Variants in MEIS1 observed in about 807,000 individuals in gnomAD.
The protein encoded by MEIS1 is Meis homeobox 1.
A neutral mutation model predicts 50.8 loss-of-function variants in MEIS1; 5 were observed. The observed-to-expected ratio is 0.10, with a 90% CI of 0.05 to 0.21. The LOEUF (loss-of-function observed/expected upper bound fraction) is 0.21. Ranked by LOEUF, MEIS1 falls within the 10% of genes least tolerant of loss-of-function variation. The pLI, the probability that MEIS1 is intolerant of heterozygous loss-of-function variation, is 1.00. For missense variants in MEIS1, 318 were observed against 517.3 expected (o/e 0.61, Z 3.74); for synonymous variants, 176 against 179.3 (o/e 0.98, Z 0.15).
At chr2:66,490,582 A>G (rs1344444679) in intron 7 of MEIS1, among the ~76,000 whole-genome samples, 1 of 152,142 alleles carries the variant, frequency 6.6e-6, no homozygotes, top group Non-Finnish European at 1.5e-5. Context: ...AAAGGGTGAT[A>G]GGGAGACCTT....
At chr2:66,544,926 G>A (rs1258145233) in intron 8 of MEIS1, among the ~76,000 whole-genome samples, 1 of 152,086 alleles carries the variant, frequency 6.6e-6, no homozygotes, top group Non-Finnish European at 1.5e-5. Context: ...TCCAGGTAGT[G>A]GTAATGATTC....
At chr2:66,456,240 A>ACACACACACACT (rs1300474908) in intron 6 of MEIS1, among the ~76,000 whole-genome samples, 1 of 146,038 alleles carries the variant, frequency 6.8e-6, no homozygotes, top group Admixed American at 6.7e-5. Context: ...TTTTATACAC[A>ACACACACACACT]CACACACACA....
At chr2:66,477,599 A>T (rs1418030100) in intron 7 of MEIS1, among the ~76,000 whole-genome samples, 1 of 152,152 alleles carries the variant, frequency 6.6e-6, no homozygotes. Context: ...CGTGGAGACC[A>T]GGGGCTGGGT....
In MEIS1 at chr2:66,435,553, T is replaced by G; in HGVS notation, c.-304T>G. On this transcript the variant is annotated 5_prime_UTR_variant, in exon 1 of 13. Coordinates refer to ENST00000272369, the MANE Select transcript of MEIS1 (RefSeq NM_002398.3). ...GCTCTTTTTTTTCCTTTTCTTTCTT[T>G]CTTTCTTTTTTTTTTTTTAAACTGA... 5.0e-6 allele frequency: 2 copies of G among 402,324 alleles called. No homozygotes were observed. The highest frequency in any genetic ancestry group is 2.1e-5 in the African/African-American group (1 of 48,430). The allele number at this position is 402,324 out of a possible 1,614,324, so 24.9% of individuals were successfully genotyped here. A position where few individuals can be genotyped will look rare whatever the true frequency, so the allele number is the denominator to read the frequency against.
chr2:66,548,413 A>G (rs1225173929), intron 9 of MEIS1, among the ~76,000 whole-genome samples: 1 of 152,170 alleles, frequency 6.6e-6, no homozygotes, highest in African/African-American at 2.4e-5. Context: ...AAATTCATTG[A>G]ATAACTAAAT....
Position 66,571,279 on chromosome 2 carries a change from G to A in MEIS1, c.*71G>A, listed in dbSNP as rs781575239. On this transcript the variant is annotated 3_prime_UTR_variant, in exon 13 of 13. Transcript: ENST00000272369. ...AGTATGCCAGGGGAGTATGTAGCCCGGGGTGGTCCAATGGGTGTGAGTATG... is the reference window on the plus strand; with the variant it reads ...AGTATGCCAGGGGAGTATGTAGCCCAGGGTGGTCCAATGGGTGTGAGTATG... The A allele has an allele frequency of 9.4e-6, 15 of 1,595,072 alleles. No individual in the cohort carries two copies. Among genetic ancestry groups the A allele is most frequent in the Middle Eastern group, 1.6e-4 (1 of 6,070 alleles).
At chr2:66,441,669 C>T (rs1277385354) in intron 5 of MEIS1, 4 of 533,270 alleles carry the variant, frequency 7.5e-6, no homozygotes, top group East Asian at 3.5e-5. Context: ...GGATCACAAA[C>T]GCCCTAGCCT....
chr2:66,449,452 G>A (rs1185638308), intron 6 of MEIS1, among the ~76,000 whole-genome samples: 2 of 152,064 alleles, frequency 1.3e-5, no homozygotes, highest in Non-Finnish European at 2.9e-5. Context: ...TCCATGTAGT[G>A]TAAAAGATAA....
At chr2:66,531,747 C>A (rs569807838) in intron 8 of MEIS1, among the ~76,000 whole-genome samples, 1 of 152,190 alleles carries the variant, frequency 6.6e-6, no homozygotes, top group Non-Finnish European at 1.5e-5. Context: ...TGGCTGCGGA[C>A]GAAGGCCCTG....
At chr2:66,481,674 T>A (rs116733417) in intron 7 of MEIS1, among the ~76,000 whole-genome samples, 1 of 152,208 alleles carries the variant, frequency 6.6e-6, no homozygotes, top group Non-Finnish European at 1.5e-5. Context: ...GTATTATTTA[T>A]TTTCATGTGC....
At chr2:66,442,054 C>A (rs1166633979) in intron 5 of MEIS1, among the ~76,000 whole-genome samples, 2 of 152,110 alleles carry the variant, frequency 1.3e-5, no homozygotes, top group African/African-American at 4.8e-5. Flanking sequence ...ACACACTCCA[C>A]CTTCACACTC....
At position 66,440,711 on chromosome 2, in the gene MEIS1, C is replaced by A. The variant is rs567861807; in HGVS notation, c.432+99C>A. On this transcript the variant is annotated intron_variant, in intron 4 of 12. Transcript: ENST00000272369. ...TTTGAGAGCCCTGAGATTTCTAGAC[C>A]GGTCTTCCCGTGCCTGCAGGTTGGC... 2,436 of 797,700 alleles carry A rather than the reference C, an allele frequency of 3.1e-3. 44 individuals are homozygous for A. The African/African-American group carries it at 0.039, about 13-fold the overall frequency. 49.4% of individuals were successfully genotyped at this position (797,700 alleles called of 1,614,324 possible).
chr2:66,500,160 C>T (rs1170112575), intron 7 of MEIS1, among the ~76,000 whole-genome samples: 4 of 152,154 alleles, frequency 2.6e-5, no homozygotes, highest in African/African-American at 7.2e-5. Context: ...GATCATTTCT[C>T]TGTAGAAAGT....
rs1558569260 is a variant in MEIS1, at chr2:66,572,461, GTAT to G, written c.*1258_*1260del. ...GCAAAAAGGACTGGAAAAATGAACT[GTAT>G]TATTGCAATTTTTTTTTGTAAAAGT... On this transcript the variant is annotated 3_prime_UTR_variant, in exon 13 of 13. Coordinates refer to ENST00000272369, the MANE Select transcript of MEIS1 (RefSeq NM_002398.3). The G allele has an allele frequency of 6.6e-6, 1 of 152,118 alleles. No homozygotes were observed. The highest frequency in any genetic ancestry group is 1.9e-4 in the East Asian group (1 of 5,190). The allele number at this position is 152,118 out of a possible 1,614,324, so 9.4% of individuals were successfully genotyped here. A position where few individuals can be genotyped will look rare whatever the true frequency, so the allele number is the denominator to read the frequency against.
chr2:66,442,225 C>T (rs1672004375), intron 5 of MEIS1, among the ~76,000 whole-genome samples: 2 of 147,466 alleles, frequency 1.4e-5, no homozygotes, highest in South Asian at 4.3e-4. Flanking sequence ...TAGGAAACCT[C>T]TGCACTTACA....
At chr2:66,479,404 G>T (rs2103780702) in intron 7 of MEIS1, among the ~76,000 whole-genome samples, 1 of 152,290 alleles carries the variant, frequency 6.6e-6, no homozygotes, top group South Asian at 2.1e-4. Flanking sequence ...AAAAGGATAT[G>T]CTGGAAAAGC....
chr2:66,456,733 G>A (rs959128327), intron 6 of MEIS1, among the ~76,000 whole-genome samples: 2 of 152,242 alleles, frequency 1.3e-5, no homozygotes, highest in African/African-American at 2.4e-5. Flanking sequence ...AGGAGAGTTG[G>A]TGGAGAAAGT....
At chr2:66,565,808 T>C (rs989252973) in intron 9 of MEIS1, among the ~76,000 whole-genome samples, 1 of 152,192 alleles carries the variant, frequency 6.6e-6, no homozygotes, top group African/African-American at 2.4e-5. Flanking sequence ...TTTGCTCTCT[T>C]ACCTACATTA....
chr2:66,496,556 AAAAC>A (rs1673410449), intron 7 of MEIS1, among the ~76,000 whole-genome samples: 2 of 152,300 alleles, frequency 1.3e-5, no homozygotes, highest in East Asian at 3.9e-4. Context: ...GCGATACTTG[AAAAC>A]CATTTGCGTG....
Sources: allele counts gnomAD v4.1 joint callset (sites outside exome capture counted in the v4.1 genomes callset), GRCh38; gene constraint gnomAD v4.1.1; transcripts MANE v1.5; gene names NCBI Gene and HGNC (gene_info 2026-07-23, HGNC 2026-07-21).